The following PAQR5 variants were observed in gnomAD, a reference collection of about 807,000 sequenced individuals.
The protein encoded by PAQR5 is membrane progestin receptor gamma.
Under a neutral mutation model 34.5 loss-of-function variants are expected in PAQR5, and 20 were observed. That is an observed-to-expected ratio of 0.58 (90% CI 0.41 to 0.84). PAQR5 has a LOEUF of 0.84. Among genes scored for constraint, PAQR5 ranks in the 40% least tolerant of loss-of-function variants. The pLI, the probability that PAQR5 is intolerant of heterozygous loss-of-function variation, is 0.00. For missense variants in PAQR5, 378 were observed against 412.7 expected (o/e 0.92, Z 0.73); for synonymous variants, 131 against 155.6 (o/e 0.84, Z 1.18).
At position 69,405,836 on chromosome 15, in the gene PAQR5, G is replaced by A. The variant is rs2056744350; in HGVS notation, c.*2014G>A. On this transcript the variant is annotated 3_prime_UTR_variant, in exon 9 of 9. Transcript: ENST00000395407. Reference sequence around the variant, plus strand: ...ATGAAATGTTAAATCAACAAAATAAGATCCAGTGTTTCATAACATTTTTAT... The same window carrying A: ...ATGAAATGTTAAATCAACAAAATAAAATCCAGTGTTTCATAACATTTTTAT... 1 of 152,148 alleles carries A rather than the reference G, an allele frequency of 6.6e-6. No homozygotes were observed. Among genetic ancestry groups the A allele is most frequent in the Non-Finnish European group, 1.5e-5 (1 of 68,026 alleles). The allele number at this position is 152,148 out of a possible 1,614,324, so 9.4% of individuals were successfully genotyped here.
chr15:69,344,061 C>T (rs558703164), intron 2 of PAQR5, among the ~76,000 whole-genome samples: 33 of 152,250 alleles, frequency 2.2e-4, no homozygotes, highest in Non-Finnish European at 3.1e-4. Flanking sequence ...TTTGAACTCC[C>T]GGACTCAAGC....
chr15:69,324,482 A>G (rs2054201801), intron 1 of PAQR5, among the ~76,000 whole-genome samples: 2 of 152,238 alleles, frequency 1.3e-5, no homozygotes, highest in African/African-American at 4.8e-5. Flanking sequence ...GTGATTAGAA[A>G]CTCAGAAACT....
intron 2 of PAQR5, among the ~76,000 whole-genome samples, chr15:69,346,789 T>G (rs2054786180): frequency 8.7e-6 from 1 of 114,562 alleles, no homozygotes; most frequent in Non-Finnish European, 1.9e-5. Context: ...ACCTGGCTAA[T>G]TTTTGTATTT....
intron 6 of PAQR5, among the ~76,000 whole-genome samples, chr15:69,395,344 C>T (rs1205884148): frequency 2.0e-5 from 3 of 152,200 alleles, no homozygotes; most frequent in Non-Finnish European, 4.4e-5. Context: ...CCAGAAAGCC[C>T]AGGGTTTAAA....
chr15:69,356,459 T>G (rs2055079767), intron 2 of PAQR5, among the ~76,000 whole-genome samples: 1 of 152,238 alleles, frequency 6.6e-6, no homozygotes, highest in African/African-American at 2.4e-5. Flanking sequence ...ATTTTGAAAT[T>G]GTATGCCACT....
intron 3 of PAQR5, among the ~76,000 whole-genome samples, chr15:69,360,593 A>G (rs2055206339): frequency 6.6e-6 from 1 of 152,164 alleles, no homozygotes; most frequent in Non-Finnish European, 1.5e-5. Flanking sequence ...GAGCCTTAGC[A>G]TTGCCCTTTA....
intron 5 of PAQR5, among the ~76,000 whole-genome samples, chr15:69,388,766 T>G (rs2056178958): frequency 6.6e-6 from 1 of 152,346 alleles, no homozygotes; most frequent in East Asian, 1.9e-4. Flanking sequence ...CAGATCAACC[T>G]GTATGGCCCA....
At chr15:69,358,722 C>T (rs1253565656) in intron 2 of PAQR5, among the ~76,000 whole-genome samples, 1 of 144,012 alleles carries the variant, frequency 6.9e-6, no homozygotes, top group Admixed American at 7.5e-5. Context: ...GCCTTGACCT[C>T]CTGGGCTGAA....
At position 69,354,825 on chromosome 15, in the gene PAQR5, C is replaced by T. The variant is rs187888674; in HGVS notation, c.-115-5141C>T. The stretch of plus-strand genomic sequence containing the variant: ...TCAGTGTGGGCAGACACCATCCAAT[C>T]AACAAGGGCCCAGAGAGAACAAAAA... On this transcript the variant is annotated intron_variant, in intron 2 of 8. Coordinates refer to ENST00000395407, the MANE Select transcript of PAQR5 (RefSeq NM_017705.4). Among the ~76,000 whole-genome samples the T allele has an allele frequency of 7.9e-5, 12 of 152,286 alleles. No homozygotes were observed. The East Asian group carries it at 2.3e-3, about 29-fold the overall frequency.
At chr15:69,382,506 G>A (rs1462998202) in intron 4 of PAQR5, among the ~76,000 whole-genome samples, 1 of 151,330 alleles carries the variant, frequency 6.6e-6, no homozygotes, top group Non-Finnish European at 1.5e-5. Flanking sequence ...TTAGCCAGGC[G>A]TGGTGGAGGG....
intron 7 of PAQR5, chr15:69,397,811 C>CT: frequency 1.8e-6 from 1 of 558,710 alleles, no homozygotes; most frequent in Non-Finnish European, 3.2e-6. Context: ...TTATGTCTTC[C>CT]TTTTTCTACA....
intron 5 of PAQR5, among the ~76,000 whole-genome samples, chr15:69,389,108 C>A (rs1409577971): frequency 1.3e-5 from 2 of 152,232 alleles, no homozygotes; most frequent in Admixed American, 1.3e-4. Flanking sequence ...GCTATGACAT[C>A]CTCGTCTCAG....
At chr15:69,333,388 C>T (rs1388672198) in intron 1 of PAQR5, among the ~76,000 whole-genome samples, 28 of 151,980 alleles carry the variant, frequency 1.8e-4, no homozygotes, top group Admixed American at 1.8e-3. Context: ...TATGAGAGAG[C>T]TTTGGTGTGT....
At chr15:69,377,408 C>T (rs773505204) in intron 3 of PAQR5, among the ~76,000 whole-genome samples, 2 of 152,196 alleles carry the variant, frequency 1.3e-5, no homozygotes, top group Non-Finnish European at 2.9e-5. Context: ...TCCTGCTGCC[C>T]GTTACAGGAA....
intron 1 of PAQR5, among the ~76,000 whole-genome samples, chr15:69,320,135 C>A (rs2054059085): frequency 6.6e-6 from 1 of 152,242 alleles, no homozygotes; most frequent in Admixed American, 6.5e-5. Context: ...GGGGCTTCGC[C>A]CTTTCCCAGC....
At chr15:69,346,729 C>T (rs1390388671) in intron 2 of PAQR5, among the ~76,000 whole-genome samples, 1 of 151,764 alleles carries the variant, frequency 6.6e-6, no homozygotes, top group African/African-American at 2.4e-5. Flanking sequence ...TCAAGCAATT[C>T]TCCTGCCTCA....
At chr15:69,373,090 G>A (rs1263282084) in intron 3 of PAQR5, among the ~76,000 whole-genome samples, 3 of 152,068 alleles carry the variant, frequency 2.0e-5, no homozygotes, top group Non-Finnish European at 4.4e-5. Flanking sequence ...CAGCAATGTT[G>A]CATCTCTCTG....
chr15:69,368,812 C>A (rs770760619), intron 3 of PAQR5, among the ~76,000 whole-genome samples: 4 of 152,100 alleles, frequency 2.6e-5, no homozygotes, highest in Non-Finnish European at 4.4e-5. Context: ...GTCACCCAGG[C>A]TGGAGTGTCA....
intron 1 of PAQR5, among the ~76,000 whole-genome samples, chr15:69,302,597 C>T (rs935532029): frequency 1.5e-4 from 23 of 152,216 alleles, no homozygotes; most frequent in Admixed American, 7.2e-4. Context: ...AAGAAATCCA[C>T]CCCTCAGTCA....
Sources: gnomAD v4.1 joint callset for allele counts (sites outside exome capture counted in the v4.1 genomes callset) on GRCh38, gnomAD v4.1.1 for gene constraint, MANE v1.5 for transcripts, NCBI Gene and HGNC (gene_info 2026-07-23, HGNC 2026-07-21) for gene names.